The following MIA2 variants were observed in gnomAD, a reference collection of about 807,000 sequenced individuals.
MIA2 encodes the protein MIA SH3 domain ER export factor 2.
Under a neutral mutation model 167.8 loss-of-function variants are expected in MIA2, and 127 were observed. The observed-to-expected ratio is 0.76, with a 90% CI of 0.66 to 0.88. The LOEUF is 0.88. MIA2 is among the 40% of genes least tolerant of loss of function. MIA2 has a pLI of 0.00. For missense variants in MIA2, 1,690 were observed against 1,624.7 expected (o/e 1.04, Z -0.69); for synonymous variants, 552 against 541.9 (o/e 1.02, Z -0.26).
Position 39,247,319 on chromosome 14 carries a change from A to G in MIA2, c.745A>G (p.Ser249Gly), listed in dbSNP as rs1298269235. The change falls in exon 4 of 29, where the codon AGC becomes GGC. Residue 249 changes from serine (S) to glycine (G), a missense_variant. Transcript: ENST00000640607. Reference sequence around the variant, plus strand: ...ATCAGTTATTGAACCTGTACAAGAAAGCTCATTTCGGAGTAGAAAAATAGC... The same window carrying G: ...ATCAGTTATTGAACCTGTACAAGAAGGCTCATTTCGGAGTAGAAAAATAGC... ...FESVIEPVQE[S>G]SFRSRKIAVE... The G allele has an allele frequency of 4.3e-6, 7 of 1,614,070 alleles. No individual in the cohort carries two copies. The highest frequency in any genetic ancestry group is 5.9e-6 in the Non-Finnish European group (7 of 1,180,000).
At chr14:39,279,221 T>G (rs1024677973) in intron 7 of MIA2, 116 bp from the exon 8 acceptor site, 1 of 837,982 alleles carries the variant, frequency 1.2e-6, no homozygotes, top group Admixed American at 2.5e-5. Context: ...TTGGCTTGTA[T>G]TTATACAAAG....
At chr14:39,312,251 CAA>C (rs1392089271) in intron 18 of MIA2, among the ~76,000 whole-genome samples, 4 of 152,154 alleles carry the variant, frequency 2.6e-5, no homozygotes, top group African/African-American at 9.7e-5. Context: ...GGAGAGGTGT[CAA>C]AGAATTTCTG....
chr14:39,346,123 T>G (rs1280000410), intron 26 of MIA2, 97 bp downstream of exon 26: 3 of 1,043,832 alleles, frequency 2.9e-6, no homozygotes, highest in Non-Finnish European at 4.3e-6. Context: ...CTATCTCTAG[T>G]AGTTCCTAAG....
intron 4 of MIA2, among the ~76,000 whole-genome samples, chr14:39,250,841 T>C (rs185852009): frequency 7.3e-5 from 11 of 151,668 alleles, no homozygotes; most frequent in African/African-American, 2.7e-4. Flanking sequence ...TGAGGAACTT[T>C]TATGAAAATA....
At chr14:39,243,150 A>G (rs2054132691) in intron 3 of MIA2, among the ~76,000 whole-genome samples, 1 of 151,880 alleles carries the variant, frequency 6.6e-6, no homozygotes, top group Non-Finnish European at 1.5e-5. Context: ...AAGACAAAGA[A>G]AAAAGAAGCA....
chr14:39,353,078 T>C (rs1490944955), downstream of MIA2, among the ~76,000 whole-genome samples: 5 of 152,132 alleles, frequency 3.3e-5, no homozygotes, highest in Non-Finnish European at 4.4e-5. Context: ...GCACATAATA[T>C]TTTACGTATT....
Position 39,247,315 on chromosome 14 carries a change from AG to A in MIA2, c.742del (p.Glu248LysfsTer9). ...TTGAATCAGTTATTGAACCTGTACA[AG>A]AAAGCTCATTTCGGAGTAGAAAAAT... ...AFESVIEPVQ[E>X]SSFRSRKIAV... On this transcript the variant is annotated frameshift_variant, in exon 4 of 29. Transcript: ENST00000640607. LOFTEE classifies it high-confidence loss of function. 1.2e-6 allele frequency: 2 copies of A among 1,614,094 alleles called. No individual in the cohort carries two copies. The highest frequency in any genetic ancestry group is 1.7e-6 in the Non-Finnish European group (2 of 1,179,996).
intron 27 of MIA2, 47 bp downstream of exon 27, chr14:39,347,818 CTTTTTTTTTTTTT>C (rs59832680): frequency 4.2e-6 from 3 of 706,362 alleles, no homozygotes; most frequent in African/African-American, 5.5e-5. Flanking sequence ...CAGAAGCCTT[CTTTTTTTTTTTTT>C]TTTTTTTTTT....
At chr14:39,298,718 ATTT>A (rs2061902428) in intron 13 of MIA2, among the ~76,000 whole-genome samples, 1 of 147,544 alleles carries the variant, frequency 6.8e-6, no homozygotes, top group African/African-American at 2.5e-5. Context: ...TTCTTTGCCT[ATTT>A]TTTCTTATTG....
At chr14:39,250,683 G>A (rs1302091151) in intron 4 of MIA2, among the ~76,000 whole-genome samples, 1 of 144,854 alleles carries the variant, frequency 6.9e-6, no homozygotes, top group Non-Finnish European at 1.5e-5. Flanking sequence ...GCAATAGAGT[G>A]AGACTCAGTC....
chr14:39,299,182 A>C (rs1008749953), intron 13 of MIA2, among the ~76,000 whole-genome samples: 1 of 151,088 alleles, frequency 6.6e-6, no homozygotes, highest in African/African-American at 2.4e-5. Context: ...TATGTAGTCA[A>C]GTCTACCTTT....
chr14:39,241,532 C>T (rs1305549893), intron 3 of MIA2, among the ~76,000 whole-genome samples: 14 of 152,166 alleles, frequency 9.2e-5, no homozygotes, highest in Admixed American at 2.0e-4. Flanking sequence ...AACTGTACTA[C>T]AGCCCAGAAT....
downstream of MIA2, among the ~76,000 whole-genome samples, chr14:39,351,727 T>G (rs1567042113): frequency 1.3e-5 from 2 of 152,138 alleles, no homozygotes; most frequent in Non-Finnish European, 2.9e-5. Context: ...CACCGCAGTC[T>G]CCCAAGTAGC....
In MIA2 at chr14:39,309,847, T is replaced by C. The variant is rs2063922790; in HGVS notation, c.3017+1260T>C. Among the ~76,000 whole-genome samples, 3 of 151,732 alleles carry C rather than the reference T, an allele frequency of 2.0e-5. No homozygotes were observed. In the South Asian group the frequency reaches 6.2e-4, roughly 32 times the overall value. ...GCCTTTATATATTGGAGTGAAGGAGTGTGTGTGTGTACATGCTGTTGCCTA... is the reference window on the plus strand; with the variant it reads ...GCCTTTATATATTGGAGTGAAGGAGCGTGTGTGTGTACATGCTGTTGCCTA... On this transcript the variant is annotated intron_variant, in intron 18 of 28. Coordinates refer to ENST00000640607, the MANE Select transcript of MIA2 (RefSeq NM_001329214.4).
intron 25 of MIA2, 97 bp downstream of exon 25, chr14:39,327,119 C>A: frequency 1.1e-6 from 1 of 943,244 alleles, no homozygotes; most frequent in Non-Finnish European, 1.5e-6. Context: ...TTTGTTCTCT[C>A]TTAAGAAAAA....
intron 13 of MIA2, among the ~76,000 whole-genome samples, chr14:39,298,006 T>C (rs1437779084): frequency 6.6e-6 from 1 of 152,102 alleles, no homozygotes; most frequent in Non-Finnish European, 1.5e-5. Context: ...CTACAATTAT[T>C]TTTTGTCTCA....
intron 25 of MIA2, among the ~76,000 whole-genome samples, chr14:39,343,970 A>C (rs920562914): frequency 6.6e-6 from 1 of 152,104 alleles, no homozygotes; most frequent in African/African-American, 2.4e-5. Flanking sequence ...TAGATAGTCT[A>C]CCTCTTATAT....
intron 16 of MIA2, among the ~76,000 whole-genome samples, 162 bp from the exon 17 acceptor site, chr14:39,304,129 C>T (rs967367007): frequency 5.9e-5 from 9 of 151,976 alleles, no homozygotes; most frequent in Non-Finnish European, 8.8e-5. Context: ...TTTTTTAAGA[C>T]GGAAGCTGCA....
intron 13 of MIA2, among the ~76,000 whole-genome samples, chr14:39,299,068 TAAAA>T (rs3065043): frequency 0.015 from 677 of 44,044 alleles, 4 homozygotes; most frequent in Middle Eastern, 0.033. Context: ...TCCCTGCCTC[TAAAA>T]AAAAAAAAAA....
Sources: allele counts gnomAD v4.1 joint callset (sites outside exome capture counted in the v4.1 genomes callset), GRCh38; gene constraint gnomAD v4.1.1; transcripts MANE v1.5; gene names NCBI Gene and HGNC (gene_info 2026-07-23, HGNC 2026-07-21).